The following LUC7L variants were observed in gnomAD, a reference collection of about 807,000 sequenced individuals.
LUC7L encodes LUC7 like, also known as putative RNA-binding protein Luc7-like 1.
Under a neutral mutation model 51.1 loss-of-function variants are expected in LUC7L, and 29 were observed. The observed-to-expected ratio is 0.57, with a 90% CI of 0.42 to 0.77. The LOEUF is 0.77. Among genes scored for constraint, LUC7L ranks in the 30% least tolerant of loss-of-function variants. The pLI, the probability that LUC7L is intolerant of heterozygous loss-of-function variation, is 0.00. For synonymous variants in LUC7L, 181 were observed against 180.7 expected (o/e 1.00, Z -0.01); for missense variants, 403 against 511.9 (o/e 0.79, Z 2.05).
chr16:196,659 C>G (rs1468967666), intron 6 of LUC7L, among the ~76,000 whole-genome samples: 2 of 151,568 alleles, frequency 1.3e-5, no homozygotes, highest in African/African-American at 2.4e-5. Context: ...TGCCAAGTAG[C>G]TGAGAATACA....
Position 192,783 on chromosome 16 carries a change from G to A in LUC7L, c.776+144C>T, listed in dbSNP as rs562118225. 817 of 728,238 alleles carry A rather than the reference G, an allele frequency of 1.1e-3. 8 individuals carry two copies. In the South Asian group the frequency reaches 0.012, roughly 11 times the overall value. 45.1% of individuals were successfully genotyped at this position (728,238 alleles called of 1,614,324 possible). On this transcript the variant is annotated intron_variant, in intron 7 of 9. Transcript: ENST00000293872. ...CTCCCAAACTGACAGGATTACAGGCGTGAGCCGCCAGGCCTGGCCTTACTA... is the reference window on the plus strand; with the variant it reads ...CTCCCAAACTGACAGGATTACAGGCATGAGCCGCCAGGCCTGGCCTTACTA...
intron 3 of LUC7L, among the ~76,000 whole-genome samples, chr16:214,575 G>A (rs2049734497): frequency 6.6e-6 from 1 of 152,130 alleles, no homozygotes; most frequent in Non-Finnish European, 1.5e-5. Context: ...TCTCCAGGCT[G>A]GAGCACAGTG....
intron 2 of LUC7L, among the ~76,000 whole-genome samples, chr16:224,274 T>A (rs1246407119): frequency 6.6e-6 from 1 of 151,280 alleles, no homozygotes; most frequent in Non-Finnish European, 1.5e-5. Context: ...ATCCCAGCAC[T>A]TTGGGAGGCC....
chr16:189,905 C>A (rs2048964154), intron 9 of LUC7L, 63 bp downstream of exon 9: 2 of 1,563,084 alleles, frequency 1.3e-6, no homozygotes, highest in Non-Finnish European at 1.7e-6. Flanking sequence ...CCTCAGCAGA[C>A]CCTGGGAACA....
At chr16:189,383 C>G (rs1370107220) in intron 9 of LUC7L, 44 bp from the exon 10 acceptor site, 3 of 1,573,042 alleles carry the variant, frequency 1.9e-6, no homozygotes, top group Middle Eastern at 3.5e-4. Flanking sequence ...TGCTGCCCCC[C>G]TTCTGCTGGC....
Position 229,364 on chromosome 16 carries a change from C to T in LUC7L, c.-25G>A, listed in dbSNP as rs1486716865. 1 of 1,488,074 alleles carries T rather than the reference C, an allele frequency of 6.7e-7. No individual in the cohort carries two copies. The highest frequency in any genetic ancestry group is 8.9e-7 in the Non-Finnish European group (1 of 1,120,290). 92.2% of individuals were successfully genotyped at this position (1,488,074 alleles called of 1,614,324 possible). The stretch of plus-strand genomic sequence containing the variant: ...TGGTAGCCGGCGGAGGCGACGGGGT[C>T]GGCCGCGACGACTTCTCTCAGGCAG... On this transcript the variant is annotated 5_prime_UTR_variant, in exon 1 of 10. Transcript: ENST00000293872.
intron 3 of LUC7L, chr16:209,483 C>T (rs1200958951): frequency 8.6e-6 from 1 of 116,246 alleles, no homozygotes; most frequent in African/African-American, 3.7e-5. Context: ...GAGCAAGATT[C>T]CATCTCAAAA....
chr16:203,691 AAG>A (rs2049397646), intron 5 of LUC7L, among the ~76,000 whole-genome samples: 2 of 99,092 alleles, frequency 2.0e-5, no homozygotes, highest in Non-Finnish European at 4.2e-5. Flanking sequence ...CTGGGTGAGA[AAG>A]TGAGACCGTC....
chr16:219,754 C>T (rs1446461461), intron 3 of LUC7L, among the ~76,000 whole-genome samples: 1 of 152,078 alleles, frequency 6.6e-6, no homozygotes, highest in Admixed American at 6.6e-5. Flanking sequence ...TGCCTGTATT[C>T]CCAGCTCCTC....
rs186128475 is a variant in LUC7L at position 211,807 on chromosome 16, C to T, written c.256-3619G>A. 2.6e-3 allele frequency among the ~76,000 whole-genome samples: 401 copies of T among 152,302 alleles called. 3 individuals are homozygous for T. The highest frequency in any genetic ancestry group is 2.5e-3 in the Non-Finnish European group (170 of 68,038). On this transcript the variant is annotated intron_variant, in intron 3 of 9. Transcript: ENST00000293872. ...GGCAAAACTGGACAATATCAGCACA[C>T]GTCATCTCCACTGAGGAGGCTGTCC...
intron 7 of LUC7L, among the ~76,000 whole-genome samples, chr16:191,813 C>T (rs1409900638): frequency 6.6e-6 from 1 of 152,208 alleles, no homozygotes; most frequent in East Asian, 1.9e-4. Flanking sequence ...CCACTGCACT[C>T]CAGCCTGGTG....
intron 5 of LUC7L, among the ~76,000 whole-genome samples, chr16:203,471 C>G (rs2049389626): frequency 6.6e-6 from 1 of 152,116 alleles, no homozygotes; most frequent in South Asian, 2.1e-4. Context: ...CTTTGGGAAG[C>G]AGAGCTAGGC....
intron 2 of LUC7L, among the ~76,000 whole-genome samples, chr16:223,217 T>C (rs2050025522): frequency 6.6e-6 from 1 of 151,586 alleles, no homozygotes; most frequent in South Asian, 2.1e-4. Context: ...AAAAATTAGC[T>C]GGGCGCCTGT....
At chr16:198,617 G>C (rs2049229511) in intron 6 of LUC7L, among the ~76,000 whole-genome samples, 1 of 152,104 alleles carries the variant, frequency 6.6e-6, no homozygotes, top group Non-Finnish European at 1.5e-5. Flanking sequence ...CATGTCTCTT[G>C]TGTGAATCCA....
chr16:205,456 G>C (rs994778557), intron 5 of LUC7L, among the ~76,000 whole-genome samples: 3 of 152,158 alleles, frequency 2.0e-5, no homozygotes, highest in Non-Finnish European at 2.9e-5. Context: ...GGGTGATAAT[G>C]ACAAGTCAAC....
intron 2 of LUC7L, among the ~76,000 whole-genome samples, chr16:224,213 A>G (rs753998577): frequency 1.3e-5 from 2 of 152,168 alleles, no homozygotes; most frequent in African/African-American, 2.4e-5. Context: ...GTCAAGAAAG[A>G]TATGACATTA....
In LUC7L at chr16:189,029, T is replaced by C. The variant is rs2048938031; in HGVS notation, c.*169A>G. Reference sequence around the variant, plus strand: ...CAGATTTATTTATTCCTACTCAACATGACCCGGGAACACAGGAGCAACTCT... The same window carrying C: ...CAGATTTATTTATTCCTACTCAACACGACCCGGGAACACAGGAGCAACTCT... On this transcript the variant is annotated 3_prime_UTR_variant, in exon 10 of 10. Transcript: ENST00000293872. 1.4e-6 allele frequency: 1 copy of C among 706,580 alleles called. No homozygotes were observed. Among genetic ancestry groups the C allele is most frequent in the Non-Finnish European group, 2.3e-6 (1 of 430,478 alleles). The allele number at this position is 706,580 out of a possible 1,614,324, so 43.8% of individuals were successfully genotyped here.
intron 5 of LUC7L, among the ~76,000 whole-genome samples, chr16:205,173 T>C (rs142271791): frequency 3.9e-4 from 60 of 152,356 alleles, no homozygotes; most frequent in African/African-American, 1.4e-3. Context: ...CTGTAAGCGT[T>C]TGCATGTAGC....
chr16:228,273 C>T (rs1398950338), intron 1 of LUC7L: 3 of 1,301,082 alleles, frequency 2.3e-6, no homozygotes, highest in Non-Finnish European at 3.0e-6. Flanking sequence ...TTTAAAGTTA[C>T]TTGTGAAAAA....
Sources: allele counts gnomAD v4.1 joint callset (sites outside exome capture counted in the v4.1 genomes callset), GRCh38; gene constraint gnomAD v4.1.1; transcripts MANE v1.5; gene names NCBI Gene and HGNC (gene_info 2026-07-23, HGNC 2026-07-21).